Variants in SKA2 observed in about 807,000 individuals in gnomAD.
The protein encoded by SKA2 is spindle and kinetochore-associated protein 2.
In SKA2, 13 loss-of-function variants were observed where a neutral mutation model predicts 16.9. The observed-to-expected ratio is 0.77, with a 90% CI of 0.50 to 1.22. SKA2 has a LOEUF of 1.22. Ranked by LOEUF, SKA2 falls within the 50% of genes most tolerant of loss-of-function variation. The probability of loss-of-function intolerance (pLI) is 0.00; values close to 1 mark genes in which losing one functional copy is unlikely to be tolerated. For missense variants in SKA2, 107 were observed against 139.7 expected (o/e 0.77, Z 1.18); for synonymous variants, 47 against 48.5 (o/e 0.97, Z 0.13).
intron 1 of SKA2, among the ~76,000 whole-genome samples, chr17:59,153,585 G>A (rs1477221036): frequency 6.6e-6 from 1 of 152,074 alleles, no homozygotes; most frequent in Non-Finnish European, 1.5e-5. Flanking sequence ...TTCTGGGGTG[G>A]GAATGGGGGG....
intron 2 of SKA2, among the ~76,000 whole-genome samples, chr17:59,125,147 A>G (rs1027108024): frequency 6.8e-4 from 65 of 95,918 alleles, no homozygotes; most frequent in African/African-American, 2.4e-3. Context: ...CTAATTTTGT[A>G]TTTTTTTTTT....
At chr17:59,129,760 C>T (rs140713744) in intron 2 of SKA2, among the ~76,000 whole-genome samples, 26 of 151,284 alleles carry the variant, frequency 1.7e-4, no homozygotes, top group African/African-American at 5.6e-4. Flanking sequence ...GAGGCTGAGG[C>T]GGGAGAATCC....
At chr17:59,146,371 C>T (rs1291018269) in intron 1 of SKA2, among the ~76,000 whole-genome samples, 1 of 151,988 alleles carries the variant, frequency 6.6e-6, no homozygotes, top group Admixed American at 6.6e-5. Flanking sequence ...TGGCGATGCA[C>T]GCCTGTAATC....
chr17:59,131,423 ATACTT>A, intron 1 of SKA2, 56 bp from the exon 2 acceptor site: 1 of 1,157,508 alleles, frequency 8.6e-7, no homozygotes, highest in African/African-American at 1.6e-5. Flanking sequence ...AGTAAACATG[ATACTT>A]TATTCTTTTT....
At chr17:59,135,856 A>G (rs2046441177) in intron 1 of SKA2, among the ~76,000 whole-genome samples, 1 of 149,046 alleles carries the variant, frequency 6.7e-6, no homozygotes, top group Admixed American at 6.7e-5. Flanking sequence ...AAAAATATAA[A>G]ATAATTTTTA....
intron 1 of SKA2, among the ~76,000 whole-genome samples, chr17:59,144,179 G>A (rs772791363): frequency 4.6e-5 from 7 of 151,526 alleles, no homozygotes; most frequent in Non-Finnish European, 8.8e-5. Flanking sequence ...ATGACAGAGC[G>A]AGGCTCCATC....
chr17:59,117,164 A>G (rs2046302346), intron 3 of SKA2, among the ~76,000 whole-genome samples: 1 of 152,128 alleles, frequency 6.6e-6, no homozygotes, highest in Admixed American at 6.6e-5. Context: ...TGACCTTTTA[A>G]TATTTGAAAT....
intron 1 of SKA2, among the ~76,000 whole-genome samples, chr17:59,137,214 C>T (rs2046452236): frequency 1.3e-5 from 2 of 152,164 alleles, no homozygotes; most frequent in Admixed American, 6.6e-5. Context: ...GACAAGGTCT[C>T]GCTATGTTAC....
intron 3 of SKA2, among the ~76,000 whole-genome samples, chr17:59,117,576 T>C (rs2046305044): frequency 6.6e-6 from 1 of 151,322 alleles, no homozygotes; most frequent in South Asian, 2.1e-4. Context: ...TTTTTTCTTC[T>C]TCTTTTTCTT....
chr17:59,121,106 C>T (rs1347629117), intron 2 of SKA2, among the ~76,000 whole-genome samples: 2 of 146,804 alleles, frequency 1.4e-5, no homozygotes, highest in Non-Finnish European at 3.0e-5. Context: ...GAGCCGAGAT[C>T]GTGCCACTGC....
At chr17:59,138,855 T>C (rs766946349) in intron 1 of SKA2, among the ~76,000 whole-genome samples, 2 of 152,210 alleles carry the variant, frequency 1.3e-5, no homozygotes, top group Non-Finnish European at 2.9e-5. Context: ...CACAATATAC[T>C]GTGTGGTCCT....
intron 2 of SKA2, among the ~76,000 whole-genome samples, chr17:59,130,457 CAAAAAAA>C (rs569934567): frequency 2.2e-3 from 154 of 70,396 alleles, no homozygotes; most frequent in East Asian, 0.02. Flanking sequence ...ACTAAAAATA[CAAAAAAA>C]AAAAAAAAAA....
At chr17:59,136,613 A>G (rs2046447169) in intron 1 of SKA2, among the ~76,000 whole-genome samples, 2 of 151,916 alleles carry the variant, frequency 1.3e-5, no homozygotes, top group South Asian at 2.1e-4. Context: ...CAGTGGCACA[A>G]TCTTGGCTGA....
chr17:59,124,926 G>A (rs1055101237), intron 2 of SKA2, among the ~76,000 whole-genome samples: 4 of 151,402 alleles, frequency 2.6e-5, no homozygotes, highest in African/African-American at 7.3e-5. Flanking sequence ...ACTGTTGTGC[G>A]CATAGCCTGT....
chr17:59,144,269 G>A (rs901478717), intron 1 of SKA2, among the ~76,000 whole-genome samples: 2 of 152,004 alleles, frequency 1.3e-5, no homozygotes, highest in Admixed American at 6.6e-5. Flanking sequence ...GACAAGTGTT[G>A]GAGAGGATGT....
chr17:59,141,886 A>C (rs2046493051), intron 1 of SKA2, among the ~76,000 whole-genome samples: 1 of 152,088 alleles, frequency 6.6e-6, no homozygotes, highest in Non-Finnish European at 1.5e-5. Context: ...GCTTTGCTTC[A>C]CACAGCAATT....
intron 2 of SKA2, among the ~76,000 whole-genome samples, chr17:59,120,417 T>G (rs907529443): frequency 6.6e-6 from 1 of 151,206 alleles, no homozygotes; most frequent in Non-Finnish European, 1.5e-5. Flanking sequence ...TTTCTTTAAT[T>G]TTTTTTTTAA....
chr17:59,117,623 C>T (rs1265832710), intron 3 of SKA2, among the ~76,000 whole-genome samples: 2 of 150,460 alleles, frequency 1.3e-5, no homozygotes, highest in Non-Finnish European at 3.0e-5. Flanking sequence ...TAGGTTCTCA[C>T]TATGTTGTCC....
At chr17:59,148,236 A>T (rs1252645002) in intron 1 of SKA2, among the ~76,000 whole-genome samples, 2 of 152,180 alleles carry the variant, frequency 1.3e-5, no homozygotes, top group Non-Finnish European at 2.9e-5. Flanking sequence ...GAGACCTAAT[A>T]AATGAAAAGA....
Sources: gnomAD v4.1 joint callset for allele counts (sites outside exome capture counted in the v4.1 genomes callset) on GRCh38, gnomAD v4.1.1 for gene constraint, MANE v1.5 for transcripts, NCBI Gene and HGNC (gene_info 2026-07-23, HGNC 2026-07-21) for gene names.